Variants in PCDH15 observed in about 807,000 individuals in gnomAD.
PCDH15 encodes protocadherin related 15.
A neutral mutation model predicts 178.5 loss-of-function variants in PCDH15; 129 were observed. The observed-to-expected ratio is 0.72, with a 90% CI of 0.63 to 0.84. PCDH15 has a LOEUF of 0.84. Among genes scored for constraint, PCDH15 ranks in the 40% least tolerant of loss-of-function variants. The pLI is 0.00. For missense variants in PCDH15, 2,230 were observed against 2,099.9 expected, an observed-to-expected ratio of 1.06 and a Z score of -1.21; for synonymous variants, 800 against 732.0, an observed-to-expected ratio of 1.09 and a Z score of -1.50.
At chr10:54,829,072 T>C (rs568708535) in intron 3 of PCDH15, among the ~76,000 whole-genome samples, 1 of 152,084 alleles carries the variant, frequency 6.6e-6, no homozygotes, top group East Asian at 1.9e-4. Flanking sequence ...GAGAGGAAAT[T>C]AGGTTTCCAA....
intron 2 of PCDH15, among the ~76,000 whole-genome samples, chr10:55,556,471 C>T (rs1439052133): frequency 2.6e-5 from 4 of 152,082 alleles, no homozygotes; most frequent in African/African-American, 9.7e-5. Context: ...ATACTATATG[C>T]TTTTCCCCAA....
At chr10:54,188,556 A>G (rs2048682151) in intron 11 of PCDH15, among the ~76,000 whole-genome samples, 1 of 151,928 alleles carries the variant, frequency 6.6e-6, no homozygotes, top group South Asian at 2.1e-4. Flanking sequence ...AGTATGATAT[A>G]TTAATTCACT....
chr10:55,200,301 A>G (rs1210592264), intron 1 of PCDH15, among the ~76,000 whole-genome samples: 2 of 152,046 alleles, frequency 1.3e-5, no homozygotes, highest in East Asian at 3.9e-4. Context: ...ATTATTTTGG[A>G]GCTTTACAAT....
chr10:55,152,898 T>C (rs888430089), intron 2 of PCDH15, among the ~76,000 whole-genome samples: 12 of 152,002 alleles, frequency 7.9e-5, no homozygotes, highest in Admixed American at 2.0e-4. Flanking sequence ...ACAATAATTA[T>C]GTAAATTACA....
chr10:55,573,092 C>T (rs1169369809), intron 2 of PCDH15, among the ~76,000 whole-genome samples: 1 of 152,018 alleles, frequency 6.6e-6, no homozygotes, highest in African/African-American at 2.4e-5. Flanking sequence ...ATATGTAGTG[C>T]TATGATAACA....
intron 2 of PCDH15, among the ~76,000 whole-genome samples, chr10:55,020,501 A>T (rs1170854776): frequency 1.3e-5 from 2 of 152,160 alleles, no homozygotes; most frequent in African/African-American, 4.8e-5. Flanking sequence ...AAGACAAGCA[A>T]AACAAAGGGA....
At chr10:55,092,692 C>A (rs1032355719) in intron 2 of PCDH15, among the ~76,000 whole-genome samples, 1 of 151,644 alleles carries the variant, frequency 6.6e-6, no homozygotes, top group Non-Finnish European at 1.5e-5. Flanking sequence ...AAACTTACAC[C>A]AAGAACTGTT....
At chr10:54,952,618 A>G (rs1838372876) in intron 2 of PCDH15, among the ~76,000 whole-genome samples, 1 of 151,738 alleles carries the variant, frequency 6.6e-6, no homozygotes, top group Non-Finnish European at 1.5e-5. Flanking sequence ...TGAGTCTTTC[A>G]TCAATATACA....
At chr10:55,155,519 T>A (rs1838859914) in intron 2 of PCDH15, among the ~76,000 whole-genome samples, 1 of 148,674 alleles carries the variant, frequency 6.7e-6, no homozygotes, top group Non-Finnish European at 1.5e-5. Context: ...AATAATAAAT[T>A]ATAAATAATT....
At chr10:54,985,906 A>C (rs1839353367) in intron 2 of PCDH15, among the ~76,000 whole-genome samples, 1 of 152,206 alleles carries the variant, frequency 6.6e-6, no homozygotes, top group Non-Finnish European at 1.5e-5. Flanking sequence ...CCTTATTTGA[A>C]TAGAATTAAA....
At chr10:54,128,631 A>T (rs1282014415) in intron 15 of PCDH15, among the ~76,000 whole-genome samples, 6 of 152,176 alleles carry the variant, frequency 3.9e-5, no homozygotes, top group Non-Finnish European at 8.8e-5. Flanking sequence ...TTATAAAATA[A>T]TGTTATCTAG....
intron 3 of PCDH15, among the ~76,000 whole-genome samples, chr10:54,479,569 T>G (rs2078551253): frequency 6.6e-6 from 1 of 151,970 alleles, no homozygotes; most frequent in Non-Finnish European, 1.5e-5. Context: ...AAAGATCCCT[T>G]TTCCTCATCC....
At chr10:55,188,296 T>A (rs543716507) in intron 1 of PCDH15, among the ~76,000 whole-genome samples, 2 of 152,058 alleles carry the variant, frequency 1.3e-5, no homozygotes, top group African/African-American at 4.8e-5. Flanking sequence ...TATTTTTTTT[T>A]AAGACAATAA....
chr10:55,081,324 G>C (rs1198411806), intron 2 of PCDH15, among the ~76,000 whole-genome samples: 2 of 152,132 alleles, frequency 1.3e-5, no homozygotes, highest in South Asian at 2.1e-4. Flanking sequence ...TAGTCAGCCA[G>C]CTTGAAACAA....
At chr10:55,471,240 A>AAT (rs1839950048) in intron 2 of PCDH15, among the ~76,000 whole-genome samples, 1 of 152,194 alleles carries the variant, frequency 6.6e-6, no homozygotes. Context: ...TCACATATAC[A>AAT]AAGTTTAATT....
At chr10:55,319,434 C>T (rs1843825816) in intron 1 of PCDH15, among the ~76,000 whole-genome samples, 1 of 151,890 alleles carries the variant, frequency 6.6e-6, no homozygotes, top group Non-Finnish European at 1.5e-5. Context: ...ATAGATAGGG[C>T]TAACTAGAGG....
chr10:55,305,734 C>T (rs530384324), intron 1 of PCDH15, among the ~76,000 whole-genome samples: 1 of 152,220 alleles, frequency 6.6e-6, no homozygotes, highest in Non-Finnish European at 1.5e-5. Flanking sequence ...TGTCAATTTT[C>T]CCATTTGTAA....
intron 2 of PCDH15, among the ~76,000 whole-genome samples, chr10:55,516,108 A>G (rs1589101085): frequency 6.6e-6 from 1 of 151,950 alleles, no homozygotes; most frequent in Non-Finnish European, 1.5e-5. Flanking sequence ...CTGTGTCCCC[A>G]CCCAACTCTC....
At chr10:53,822,270 G>A in intron 32 of PCDH15, 5 of 1,613,780 alleles carry the variant, frequency 3.1e-6, no homozygotes, top group Non-Finnish European at 4.2e-6. Flanking sequence ...AGGTGGTGGA[G>A]GAAGAGGAGT....
Sources: allele counts gnomAD v4.1 joint callset (sites outside exome capture counted in the v4.1 genomes callset), GRCh38; gene constraint gnomAD v4.1.1; transcripts MANE v1.5; gene names NCBI Gene and HGNC (gene_info 2026-07-23, HGNC 2026-07-21).